The following MMRN2 variants were observed in gnomAD, a reference collection of about 807,000 sequenced individuals.
MMRN2 encodes multimerin 2, also known as multimerin-2.
Under a neutral mutation model 68.8 loss-of-function variants are expected in MMRN2, and 53 were observed. The ratio of observed to expected loss-of-function variants is 0.77; its 90% CI spans 0.62 to 0.97. The LOEUF (loss-of-function observed/expected upper bound fraction) is 0.97, where lower values mean the gene tolerates loss of function less well. MMRN2 is among the 50% of genes least tolerant of loss of function. The pLI, the probability that MMRN2 is intolerant of heterozygous loss-of-function variation, is 0.00. For synonymous variants in MMRN2, 564 were observed against 551.6 expected, an observed-to-expected ratio of 1.02 and a Z score of -0.32; for missense variants, 1,266 against 1,259.5, an observed-to-expected ratio of 1.01 and a Z score of -0.08.
intron 1 of MMRN2, chr10:86,949,936 G>C (rs1011051307): frequency 2.0e-5 from 3 of 151,350 alleles, no homozygotes; most frequent in African/African-American, 7.3e-5. Flanking sequence ...AGGTGCAGTG[G>C]CTCATGACGA....
rs749378959 is a variant in MMRN2, at chr10:86,943,047, C to T, written c.1737G>A (p.Lys579=). 2.9e-6 allele frequency: 4 copies of T among 1,366,978 alleles called. No homozygotes were observed. In the South Asian group the frequency reaches 6.5e-5, roughly 22 times the overall value. The allele number at this position is 1,366,978 out of a possible 1,614,324, so 84.7% of individuals were successfully genotyped here. A position where few individuals can be genotyped will look rare whatever the true frequency, so the allele number is the denominator to read the frequency against. The change falls in exon 6 of 7, where the codon AAG becomes AAA. Residue 579 remains lysine (K), a synonymous_variant. Coordinates refer to ENST00000372027, the MANE Select transcript of MMRN2 (RefSeq NM_024756.3). The surrounding 1 kb of genome is among the most constrained non-coding windows in gnomAD (Gnocchi z 4.2). ...CGTGGCGGGCCTCGGCCGCGGCCGC[C>T]TTCAGCGCGCCCACCTCGTCATCCA... The part of the protein sequence containing the change: ...QALDDEVGAL[K]AAAAEARHEV...
intron 1 of MMRN2, among the ~76,000 whole-genome samples, chr10:86,956,178 AT>A (rs1445066299): frequency 6.7e-6 from 1 of 149,488 alleles, no homozygotes; most frequent in Non-Finnish European, 1.5e-5. Flanking sequence ...ACCACCGAGA[AT>A]CACCTGCACC....
chr10:86,940,316 T>G (rs1843950023), intron 6 of MMRN2, among the ~76,000 whole-genome samples: 2 of 152,180 alleles, frequency 1.3e-5, no homozygotes, highest in Non-Finnish European at 2.9e-5. Context: ...GGCCTGGAAA[T>G]TTGTTTTTAA....
intron 4 of MMRN2, chr10:86,944,683 C>T (rs1016170745): frequency 2.0e-6 from 1 of 511,794 alleles, no homozygotes; most frequent in South Asian, 2.8e-5. Flanking sequence ...AGCACATGCA[C>T]ATGGCCTCAC....
chr10:86,943,414 A>G lies in MMRN2; in HGVS notation c.1370T>C (p.Met457Thr). 6.2e-7 allele frequency: 1 copy of G among 1,613,976 alleles called. No homozygotes were observed. Among genetic ancestry groups the G allele is most frequent in the Non-Finnish European group, 8.5e-7 (1 of 1,179,946 alleles). The part of the protein sequence containing the change: ...RVILMEKSLI[M>T]EENKEEVERQ... ...CTCCACCTCCTCCTTGTTCTCCTCC[A>G]TGATCAGAGACTTCTCCATCAGGAT... is the stretch of plus-strand genomic sequence containing the variant. The change falls in exon 6 of 7, where the codon ATG becomes ACG. Residue 457 changes from methionine (M) to threonine (T), a missense_variant. Coordinates refer to ENST00000372027, the MANE Select transcript of MMRN2 (RefSeq NM_024756.3). This position sits in a 1 kb window ranked among gnomAD's most constrained non-coding sequence, Gnocchi z 4.2.
Position 86,944,397 on chromosome 10 carries a change from G to A in MMRN2, c.520C>T (p.Gln174Ter), listed in dbSNP as rs781661473. Residue 174 changes from glutamine (Q) to a stop codon, truncating the protein, a stop_gained, in exon 5 of 7, where the codon CAG (glutamine) becomes TAG (stop). Transcript: ENST00000372027. LOFTEE classifies it high-confidence loss of function. Reference sequence around the variant, plus strand: ...CCCAGCAGATGTTCCTGCTGTTCCTGTTGCACCTCAACCTCATTGATCACT... The same window carrying A: ...CCCAGCAGATGTTCCTGCTGTTCCTATTGCACCTCAACCTCATTGATCACT... Reference protein sequence around the residue: ...AAVINEVEVQQEQQEHLLGDL... With the variant: ...AAVINEVEVQ The A allele has an allele frequency of 6.2e-7, 1 of 1,613,852 alleles. No individual in the cohort carries two copies. Among genetic ancestry groups the A allele is most frequent in the African/African-American group, 1.3e-5 (1 of 74,928 alleles).
chr10:86,956,415 C>T (rs1386884725), intron 1 of MMRN2, among the ~76,000 whole-genome samples: 2 of 152,162 alleles, frequency 1.3e-5, no homozygotes, highest in African/African-American at 4.8e-5. Context: ...TCTCATACAC[C>T]GCACAGAAGT....
intron 1 of MMRN2, among the ~76,000 whole-genome samples, chr10:86,946,014 C>A (rs1844063831): frequency 6.6e-6 from 1 of 152,176 alleles, no homozygotes; most frequent in South Asian, 2.1e-4. Flanking sequence ...AACTAACAGC[C>A]AGAGTGTGGG....
chr10:86,942,219 T>C lies in MMRN2; in HGVS notation c.2467+98A>G, dbSNP rs993897337. ...TAGTAGGGGTGACGGATGGCCATCCTGTTCTCTTTCTTCCTGGCCCTCTTG... is the reference window on the plus strand; with the variant it reads ...TAGTAGGGGTGACGGATGGCCATCCCGTTCTCTTTCTTCCTGGCCCTCTTG... On this transcript the variant is annotated intron_variant, in intron 6 of 6. Transcript: ENST00000372027. 2.1e-6 allele frequency: 3 copies of C among 1,406,662 alleles called. No homozygotes were observed. In the African/African-American group the frequency reaches 4.3e-5, roughly 20 times the overall value. 87.1% of individuals were successfully genotyped at this position (1,406,662 alleles called of 1,614,324 possible).
chr10:86,956,893 G>A (rs1844243528), intron 1 of MMRN2, among the ~76,000 whole-genome samples: 2 of 152,230 alleles, frequency 1.3e-5, no homozygotes, highest in South Asian at 4.1e-4. Flanking sequence ...CTGGGTCGCT[G>A]AGGCAGAGCG....
At position 86,942,906 on chromosome 10, in the gene MMRN2, C is replaced by G. The variant is rs200415857; in HGVS notation, c.1878G>C (p.Thr626=). Reference sequence around the variant, plus strand: ...CGTAGCTCAGGGGCAGCGGTCCCGGCGTCTGCTCAGACATCTCCTCCAGCA... The same window carrying G: ...CGTAGCTCAGGGGCAGCGGTCCCGGGGTCTGCTCAGACATCTCCTCCAGCA... ...EEVLEEMSEQ[T]PGPLPLSYEQ... is the part of the protein sequence containing the mutation. The change falls in exon 6 of 7, where the codon ACG becomes ACC. Residue 626 remains threonine, a synonymous_variant. Transcript: ENST00000372027. 1 of 1,474,284 alleles carries G rather than the reference C, an allele frequency of 6.8e-7. No homozygotes were observed. The highest frequency in any genetic ancestry group is 1.5e-5 in the African/African-American group (1 of 68,422). The allele number at this position is 1,474,284 out of a possible 1,614,324, so 91.3% of individuals were successfully genotyped here.
At position 86,943,353 on chromosome 10, in the gene MMRN2, G is replaced by C; in HGVS notation, c.1431C>G (p.His477Gln). The C allele has an allele frequency of 3.1e-6, 5 of 1,613,982 alleles. No homozygotes were observed. Among genetic ancestry groups the C allele is most frequent in the Non-Finnish European group, 4.2e-6 (5 of 1,179,994 alleles). The change falls in exon 6 of 7, where the codon CAC (histidine) becomes CAG (glutamine). Residue 477 changes from histidine (H) to glutamine (Q), a missense_variant. Coordinates refer to ENST00000372027, the MANE Select transcript of MMRN2 (RefSeq NM_024756.3). This position sits in a 1 kb window ranked among gnomAD's most constrained non-coding sequence, Gnocchi z 4.2. Reference protein sequence around the residue: ...QLLELNLTLQHLQGGHADLIK... With the variant: ...QLLELNLTLQQLQGGHADLIK... The stretch of plus-strand genomic sequence containing the variant: ...TGAGGTCGGCATGGCCACCCTGCAG[G>C]TGCTGCAGCGTGAGGTTGAGCTCCA...
At chr10:86,938,536 C>T (rs1482403274) in intron 6 of MMRN2, among the ~76,000 whole-genome samples, 1 of 152,230 alleles carries the variant, frequency 6.6e-6, no homozygotes, top group Non-Finnish European at 1.5e-5. Flanking sequence ...GGGACAGGGT[C>T]ATGAGATGGC....
intron 4 of MMRN2, 57 bp downstream of exon 4, chr10:86,945,131 G>A: frequency 6.7e-7 from 1 of 1,501,708 alleles, no homozygotes; most frequent in South Asian, 1.1e-5. Flanking sequence ...AAAAGGGCCA[G>A]CTGGCTACAT....
chr10:86,945,609 T>A lies in MMRN2; in HGVS notation c.245A>T (p.Gln82Leu). ...CKTEKFLIHS[Q>L]QPCPQGAPDC... ...TGGAGCTCCCTGCGGACACGGCTGC[T>A]GCGAGTGGATGAGGAATTTCTCTGT... is the stretch of plus-strand genomic sequence containing the variant. Residue 82 changes from glutamine to leucine, a missense_variant, in exon 2 of 7, where the codon CAG (glutamine) becomes CTG (leucine). Gln to Leu is a moderately radical substitution (Grantham distance 113). Coordinates refer to ENST00000372027, the MANE Select transcript of MMRN2 (RefSeq NM_024756.3). 6.2e-7 allele frequency: 1 copy of A among 1,612,764 alleles called. No homozygotes were observed. Among genetic ancestry groups the A allele is most frequent in the Non-Finnish European group, 8.5e-7 (1 of 1,179,530 alleles).
chr10:86,940,462 T>G (rs940003135), intron 6 of MMRN2, among the ~76,000 whole-genome samples: 14 of 152,202 alleles, frequency 9.2e-5, no homozygotes, highest in African/African-American at 3.4e-4. Flanking sequence ...TCAGTGTCGG[T>G]GGACACAACC....
At position 86,942,614 on chromosome 10, in the gene MMRN2, C is replaced by A. The variant is rs775790019; in HGVS notation, c.2170G>T (p.Ala724Ser). 1.2e-6 allele frequency: 2 copies of A among 1,603,288 alleles called. No individual in the cohort carries two copies. Among genetic ancestry groups the A allele is most frequent in the Middle Eastern group, 1.7e-4 (1 of 5,840 alleles). Reference sequence around the variant, plus strand: ...CCGTGAAGGGAGGCGTTGAGGGAGGCGGCCCCGGCCCCGGCCTCGGCCTCG... The same window carrying A: ...CCGTGAAGGGAGGCGTTGAGGGAGGAGGCCCCGGCCCCGGCCTCGGCCTCG... The part of the protein sequence containing the change: ...CCEAEAGAGA[A>S]SLNASLHGLH... The change falls in exon 6 of 7, where the codon GCC (alanine) becomes TCC (serine). Residue 724 changes from alanine (A) to serine (S), a missense_variant. By Grantham distance (99) the Ala-to-Ser change is moderately conservative. Transcript: ENST00000372027.
intron 1 of MMRN2, 91 bp from the exon 2 acceptor site, chr10:86,945,780 G>A (rs536502146): frequency 4.8e-5 from 77 of 1,592,094 alleles, no homozygotes; most frequent in Middle Eastern, 3.7e-4. Flanking sequence ...GCCTCCTGCC[G>A]GAGCAGTGCT....
Position 86,952,223 on chromosome 10 carries a change from G to A in MMRN2, c.164+5155C>T, listed in dbSNP as rs187801244. On this transcript the variant is annotated intron_variant, in intron 1 of 6. Transcript: ENST00000372027. The stretch of plus-strand genomic sequence containing the variant: ...GTGCATCTCCAAGGGATCAGTCAAC[G>A]TAAAAAGGGGACACCTCACGATAAG... 1.0e-3 allele frequency among the ~76,000 whole-genome samples: 155 copies of A among 152,242 alleles called. 1 individual carries two copies. The highest frequency in any genetic ancestry group is 1.6e-3 in the Non-Finnish European group (107 of 68,016).
Sources: allele counts gnomAD v4.1 joint callset (sites outside exome capture counted in the v4.1 genomes callset), GRCh38; gene constraint gnomAD v4.1.1; non-coding constraint Gnocchi (gnomAD v3.1); transcripts MANE v1.5; gene names NCBI Gene and HGNC (gene_info 2026-07-23, HGNC 2026-07-21).